DGKG: variants seen among roughly 807,000 people sequenced by gnomAD.
The protein encoded by DGKG is diacylglycerol kinase gamma.
In DGKG, 78 loss-of-function variants were observed where a neutral mutation model predicts 105.3. That is an observed-to-expected ratio of 0.74 (90% CI 0.62 to 0.89). DGKG has a LOEUF of 0.89. DGKG is among the 40% of genes least tolerant of loss of function. The pLI is 0.00. For synonymous variants in DGKG, 346 were observed against 367.1 expected (o/e 0.94, Z 0.66); for missense variants, 958 against 1,020.1 (o/e 0.94, Z 0.83).
intron 1 of DGKG, among the ~76,000 whole-genome samples, chr3:186,340,490 A>G (rs1171884757): frequency 6.6e-6 from 1 of 152,190 alleles, no homozygotes; most frequent in Non-Finnish European, 1.5e-5. Flanking sequence ...ACCAGCCCCA[A>G]CTAAAGAAAA....
chr3:186,239,532 C>T (rs1242918513), intron 20 of DGKG, among the ~76,000 whole-genome samples: 1 of 152,202 alleles, frequency 6.6e-6, no homozygotes, highest in African/African-American at 2.4e-5. Context: ...AAGAAAATGG[C>T]TGCTTGCCTG....
At position 186,361,106 on chromosome 3, in the gene DGKG, C is replaced by G. The variant is rs1727210151; in HGVS notation, c.-249+840G>C. The stretch of plus-strand genomic sequence containing the variant: ...GCCACCCTGAGTTCCGCAGCTCATC[C>G]CTCCCATCTGGGAGGTGGTTCTAGC... On this transcript the variant is annotated intron_variant, in intron 1 of 24. Coordinates refer to ENST00000265022, the MANE Select transcript of DGKG (RefSeq NM_001346.3). This position sits in a 1 kb window ranked among gnomAD's most constrained non-coding sequence, Gnocchi z 6.8. Among the ~76,000 whole-genome samples the G allele has an allele frequency of 6.6e-6, 1 of 152,218 alleles. No homozygotes were observed. The highest frequency in any genetic ancestry group is 6.5e-5 in the Admixed American group (1 of 15,280).
rs68014632 is a variant in DGKG, at chr3:186,265,657, C to CTTT, written c.1210-354_1210-352dup. Among the ~76,000 whole-genome samples the CTTT allele has an allele frequency of 7.5e-3, 578 of 76,728 alleles. 7 individuals are homozygous for CTTT. The highest frequency in any genetic ancestry group is 9.5e-3 in the Non-Finnish European group (402 of 42,514). 50.3% of individuals were successfully genotyped at this position (76,728 alleles called of 152,430 possible). The stretch of plus-strand genomic sequence containing the variant: ...TTGGCGACTTGGCTTTTCTTCCTTT[C>CTTT]TTTTTTTTTTTTTTTTTTTTTTTTG... On this transcript the variant is annotated intron_variant, in intron 13 of 24. Coordinates refer to ENST00000265022, the MANE Select transcript of DGKG (RefSeq NM_001346.3).
rs531767196 is a variant in DGKG, at chr3:186,265,270, C to T, written c.1246G>A (p.Ala416Thr). Residue 416 changes from alanine (A) to threonine (T), a missense_variant, in exon 14 of 25, where the codon GCC becomes ACC. This residue lies in a region of DGKG where 643 missense variants were observed against 619.5 expected (regional missense o/e 1.04). Transcript: ENST00000265022. ...PGEKSDGCVS[A>T]KGELVMQYKI... ...ACCTGCATGACAAGTTCGCCCTTGG[C>T]GGACACGCAGCCATCAGACTTCTCA... 1.6e-5 allele frequency: 26 copies of T among 1,614,172 alleles called. No homozygotes were observed. The highest frequency in any genetic ancestry group is 3.3e-5 in the Admixed American group (2 of 60,030).
At chr3:186,265,961 C>T (rs543802829) in intron 13 of DGKG, among the ~76,000 whole-genome samples, 5 of 152,188 alleles carry the variant, frequency 3.3e-5, no homozygotes, top group African/African-American at 9.6e-5. Flanking sequence ...TAAGCCACTG[C>T]GCCTGGCCGT....
At chr3:186,215,827 CA>C (rs1345389343) in intron 20 of DGKG, among the ~76,000 whole-genome samples, 1 of 152,098 alleles carries the variant, frequency 6.6e-6, no homozygotes, top group East Asian at 1.9e-4. Context: ...TTCCCAGTGG[CA>C]GTCGTCTTTG....
chr3:186,317,461 G>A (rs1428040604), intron 2 of DGKG, among the ~76,000 whole-genome samples: 2 of 152,114 alleles, frequency 1.3e-5, no homozygotes, highest in African/African-American at 2.4e-5. Flanking sequence ...TAGAAAGCAG[G>A]ATTCCCCAGG....
intron 24 of DGKG, chr3:186,161,334 C>T (rs2108476194): frequency 1.6e-6 from 2 of 1,279,112 alleles, no homozygotes; most frequent in East Asian, 3.7e-5. Context: ...TCAGAATTCA[C>T]TGACTAGAAC....
chr3:186,324,203 G>T (rs1368985141), intron 1 of DGKG, among the ~76,000 whole-genome samples: 2 of 151,756 alleles, frequency 1.3e-5, no homozygotes, highest in East Asian at 3.9e-4. Flanking sequence ...TAGGCACACT[G>T]CATGACAGAA....
intron 1 of DGKG, among the ~76,000 whole-genome samples, chr3:186,349,280 C>T (rs1348402817): frequency 6.6e-6 from 1 of 152,036 alleles, no homozygotes; most frequent in Non-Finnish European, 1.5e-5. Flanking sequence ...TAATAGCCTC[C>T]GTTTTCCCCT....
intron 17 of DGKG, among the ~76,000 whole-genome samples, chr3:186,256,658 C>T (rs1042926951): frequency 4.6e-5 from 7 of 152,196 alleles, no homozygotes; most frequent in African/African-American, 9.7e-5. Context: ...GTCACCTGGC[C>T]CCTCGTCACC....
Position 186,148,103 on chromosome 3 carries a change from G to A in DGKG, c.*1987C>T, listed in dbSNP as rs765515318. The stretch of plus-strand genomic sequence containing the variant: ...GCAGCTCAGTGGAACGATATCAAGT[G>A]GGTCCAAGTTTCCACTGATAAATCT... On this transcript the variant is annotated 3_prime_UTR_variant, in exon 25 of 25. Transcript: ENST00000265022. 16 of 985,406 alleles carry A rather than the reference G, an allele frequency of 1.6e-5. No individual in the cohort carries two copies. The highest frequency in any genetic ancestry group is 1.8e-5 in the Non-Finnish European group (15 of 829,948). The allele number at this position is 985,406 out of a possible 1,614,324, so 61.0% of individuals were successfully genotyped here.
chr3:186,314,263 T>C (rs1177238338), intron 2 of DGKG, among the ~76,000 whole-genome samples: 3 of 151,800 alleles, frequency 2.0e-5, no homozygotes, highest in African/African-American at 7.3e-5. Context: ...AGTGGGTACT[T>C]TTTGTTTAAT....
intron 11 of DGKG, among the ~76,000 whole-genome samples, chr3:186,270,759 C>T (rs1722276623): frequency 6.6e-6 from 1 of 152,230 alleles, no homozygotes; most frequent in Admixed American, 6.5e-5. Flanking sequence ...ACCCCAAGTC[C>T]AGGGCTGTTT....
intron 3 of DGKG, 87 bp downstream of exon 3, chr3:186,306,814 C>T: frequency 1.2e-6 from 1 of 866,884 alleles, no homozygotes. Flanking sequence ...TTCTTCAAGG[C>T]AAGCGGAGTC....
In DGKG at chr3:186,284,793, T is replaced by A; in HGVS notation, c.545-84A>T. On this transcript the variant is annotated intron_variant, in intron 6 of 24. Coordinates refer to ENST00000265022, the MANE Select transcript of DGKG (RefSeq NM_001346.3). This position sits in a 1 kb window ranked among gnomAD's most constrained non-coding sequence, Gnocchi z 4.0. ...GTTTTGATGCTGCCAGGTTTTTAGATTAGTTCTGTCACCACTGTGACGAAG... is the reference window on the plus strand; with the variant it reads ...GTTTTGATGCTGCCAGGTTTTTAGAATAGTTCTGTCACCACTGTGACGAAG... The A allele has an allele frequency of 8.7e-7, 1 of 1,147,368 alleles. No homozygotes were observed. Among genetic ancestry groups the A allele is most frequent in the African/African-American group, 1.5e-5 (1 of 65,966 alleles). 71.1% of individuals were successfully genotyped at this position (1,147,368 alleles called of 1,614,324 possible).
chr3:186,278,212 G>A (rs1722671671), intron 9 of DGKG, among the ~76,000 whole-genome samples: 1 of 151,896 alleles, frequency 6.6e-6, no homozygotes, highest in Non-Finnish European at 1.5e-5. Context: ...ACAGAAAATG[G>A]AAATTGATTC....
Position 186,322,683 on chromosome 3 carries a change from C to T in DGKG, c.-248-1976G>A, listed in dbSNP as rs16860714. Among the ~76,000 whole-genome samples the T allele has an allele frequency of 2.6e-4, 39 of 152,242 alleles. No individual in the cohort carries two copies. The East Asian group carries it at 6.0e-3, about 23-fold the overall frequency. ...CTCATCCACCTCCAAGCTTTAATGA[C>T]CCCCGGCATGCTGCGGCAGCCCTGA... On this transcript the variant is annotated intron_variant, in intron 1 of 24. Coordinates refer to ENST00000265022, the MANE Select transcript of DGKG (RefSeq NM_001346.3).
chr3:186,306,296 A>G (rs1724235552), intron 3 of DGKG, among the ~76,000 whole-genome samples: 1 of 152,244 alleles, frequency 6.6e-6, no homozygotes, highest in African/African-American at 2.4e-5. Flanking sequence ...AATGTTTTTA[A>G]TATAGAAGAA....
Sources: allele counts gnomAD v4.1 joint callset (sites outside exome capture counted in the v4.1 genomes callset), GRCh38; gene constraint gnomAD v4.1.1; regional missense constraint gnomAD v4.1.1; non-coding constraint Gnocchi (gnomAD v3.1); transcripts MANE v1.5; gene names NCBI Gene and HGNC (gene_info 2026-07-23, HGNC 2026-07-21).